CLVS1: variants seen among roughly 807,000 people sequenced by gnomAD.
CLVS1 encodes the protein clavesin 1, also known as clavesin-1.
In CLVS1, 10 loss-of-function variants were observed where a neutral mutation model predicts 33.1. That is an observed-to-expected ratio of 0.30 (90% confidence interval 0.19 to 0.51). The LOEUF (loss-of-function observed/expected upper bound fraction) is 0.51. Among genes scored for constraint, CLVS1 ranks in the 20% least tolerant of loss-of-function variants. CLVS1 has a pLI of 0.97. For missense variants in CLVS1, 343 were observed against 433.4 expected, an observed-to-expected ratio of 0.79 and a Z score of 1.85; for synonymous variants, 163 against 166.1, an observed-to-expected ratio of 0.98 and a Z score of 0.14.
chr8:61,201,960 G>C (rs2931324), intron 2 of CLVS1, among the ~76,000 whole-genome samples: 6 of 151,906 alleles, frequency 3.9e-5, no homozygotes, highest in Non-Finnish European at 8.8e-5. Flanking sequence ...TGCTGTGTCT[G>C]GTTTCCATCG....
At chr8:61,217,947 G>C (rs999632872) in intron 2 of CLVS1, among the ~76,000 whole-genome samples, 9 of 152,054 alleles carry the variant, frequency 5.9e-5, no homozygotes, top group African/African-American at 1.9e-4. Context: ...CAAAACCACA[G>C]TAAAGTATCA....
chr8:61,275,855 T>C, intron 2 of CLVS1, among the ~76,000 whole-genome samples: 1 of 152,340 alleles, frequency 6.6e-6, no homozygotes, highest in South Asian at 2.1e-4. Context: ...GGTTTAGAAA[T>C]TATTCTCTCT....
chr8:61,028,313 A>G, the CLVS1 span, among the ~76,000 whole-genome samples: 2 of 152,238 alleles, frequency 1.3e-5, no homozygotes, highest in Non-Finnish European at 2.9e-5. Flanking sequence ...TCCGAGTAAT[A>G]TGAATTGATT....
intron 2 of CLVS1, among the ~76,000 whole-genome samples, chr8:61,315,528 A>G (rs745879879): frequency 2.6e-5 from 4 of 152,002 alleles, no homozygotes; most frequent in African/African-American, 4.8e-5. Context: ...CATGGCCACA[A>G]TTTTCATATT....
intron 2 of CLVS1, among the ~76,000 whole-genome samples, chr8:61,354,470 A>T (rs1195803850): frequency 6.6e-6 from 1 of 151,836 alleles, no homozygotes; most frequent in Non-Finnish European, 1.5e-5. Context: ...CAGAAATTAC[A>T]CTCTCGGGCA....
intron 5 of CLVS1, among the ~76,000 whole-genome samples, chr8:61,475,103 A>G (rs893102431): frequency 4.6e-5 from 7 of 152,168 alleles, no homozygotes; most frequent in African/African-American, 1.2e-4. Context: ...AGCTTCATCC[A>G]TGTCCCTACA....
upstream of CLVS1, among the ~76,000 whole-genome samples, chr8:61,286,175 T>C (rs572353846): frequency 1.3e-5 from 2 of 152,242 alleles, no homozygotes; most frequent in South Asian, 4.1e-4. Flanking sequence ...AAGAGGGGGC[T>C]AAGTGAGACT....
chr8:61,000,853 A>C, the CLVS1 span, among the ~76,000 whole-genome samples: 27 of 152,218 alleles, frequency 1.8e-4, no homozygotes, highest in African/African-American at 6.5e-4. Context: ...CAAGTGATTG[A>C]GGGTTGGTGT....
At chr8:61,229,092 C>T (rs769160517) in intron 2 of CLVS1, among the ~76,000 whole-genome samples, 16 of 152,292 alleles carry the variant, frequency 1.1e-4, no homozygotes, top group African/African-American at 2.6e-4. Context: ...GATGATGTTG[C>T]GCACTTTTCA....
intron 2 of CLVS1, among the ~76,000 whole-genome samples, chr8:61,257,282 C>G (rs1168409520): frequency 6.6e-6 from 1 of 152,120 alleles, no homozygotes. Flanking sequence ...GTTCTGTCAC[C>G]CATTAAACTG....
At chr8:61,153,111 GTCTCAAAAAAA>G (rs1335892232) in intron 2 of CLVS1, among the ~76,000 whole-genome samples, 1 of 151,970 alleles carries the variant, frequency 6.6e-6, no homozygotes, top group African/African-American at 2.4e-5. Context: ...GCGAGACCCT[GTCTCAAAAAAA>G]TAAAAAGGAA....
chr8:61,074,522 C>T (rs1459800601), intron 1 of CLVS1, among the ~76,000 whole-genome samples: 2 of 145,652 alleles, frequency 1.4e-5, no homozygotes, highest in African/African-American at 5.1e-5. Context: ...TGTATATATG[C>T]AAATAAAATC....
intron 2 of CLVS1, among the ~76,000 whole-genome samples, chr8:61,313,405 G>A (rs1285110666): frequency 1.3e-5 from 2 of 152,176 alleles, no homozygotes; most frequent in South Asian, 4.1e-4. Context: ...CTGAGGCTGG[G>A]AATGGAGGAA....
At chr8:61,091,725 C>T (rs1805253486) in intron 1 of CLVS1, among the ~76,000 whole-genome samples, 1 of 152,172 alleles carries the variant, frequency 6.6e-6, no homozygotes, top group Non-Finnish European at 1.5e-5. Context: ...ACTAACCCTA[C>T]TAAATAAAAA....
At chr8:61,273,937 G>C (rs1287020705) in intron 2 of CLVS1, 1 of 160,658 alleles carries the variant, frequency 6.2e-6, no homozygotes, top group East Asian at 1.9e-4. Context: ...TGGAAATGCA[G>C]AAATCACCCT....
chr8:61,108,619 A>C (rs1805578483), intron 1 of CLVS1, among the ~76,000 whole-genome samples: 1 of 152,170 alleles, frequency 6.6e-6, no homozygotes, highest in Non-Finnish European at 1.5e-5. Flanking sequence ...CTTCCAAGAG[A>C]TCTCTTAAGA....
the CLVS1 span, among the ~76,000 whole-genome samples, chr8:61,017,783 G>GT: frequency 2.0e-5 from 3 of 146,992 alleles, no homozygotes; most frequent in Non-Finnish European, 4.4e-5. Context: ...GATCAGGGCT[G>GT]GGGGGGCTCC....
intron 2 of CLVS1, among the ~76,000 whole-genome samples, chr8:61,353,624 T>C (rs1812565174): frequency 6.6e-6 from 1 of 151,658 alleles, no homozygotes; most frequent in Admixed American, 6.6e-5. Context: ...ATATGAGATG[T>C]TGATATTAGG....
intron 5 of CLVS1, among the ~76,000 whole-genome samples, chr8:61,461,964 A>G (rs1367179347): frequency 6.6e-6 from 1 of 152,326 alleles, no homozygotes; most frequent in Non-Finnish European, 1.5e-5. Flanking sequence ...CTCAACATTC[A>G]TAGTTAAGCA....
Sources: gnomAD v4.1 joint callset for allele counts (sites outside exome capture counted in the v4.1 genomes callset) on GRCh38, gnomAD v4.1.1 for gene constraint, MANE v1.5 for transcripts, NCBI Gene and HGNC (gene_info 2026-07-23, HGNC 2026-07-21) for gene names.